The following SLC25A12 variants were observed in gnomAD, a reference collection of about 807,000 sequenced individuals.
SLC25A12 encodes solute carrier family 25 member 12.
A neutral mutation model predicts 83.3 loss-of-function variants in SLC25A12; 32 were observed. The ratio of observed to expected loss-of-function variants is 0.38; its 90% CI spans 0.29 to 0.52. The LOEUF (loss-of-function observed/expected upper bound fraction) is 0.52, where lower values mean the gene tolerates loss of function less well. Ranked by LOEUF, SLC25A12 falls within the 20% of genes least tolerant of loss-of-function variation. The probability of loss-of-function intolerance (pLI) is 0.84; values close to 1 mark genes in which losing one functional copy is unlikely to be tolerated. For missense variants in SLC25A12, 611 were observed against 835.6 expected, an observed-to-expected ratio of 0.73 and a Z score of 3.31; for synonymous variants, 267 against 291.1, an observed-to-expected ratio of 0.92 and a Z score of 0.84.
At chr2:171,806,572 TCAA>T (rs1683835543) in intron 13 of SLC25A12, among the ~76,000 whole-genome samples, 1 of 152,154 alleles carries the variant, frequency 6.6e-6, no homozygotes, top group Admixed American at 6.5e-5. Flanking sequence ...CATGATCTAG[TCAA>T]CACACACCAT....
intron 2 of SLC25A12, among the ~76,000 whole-genome samples, chr2:171,889,104 T>C (rs989965974): frequency 6.6e-6 from 1 of 152,174 alleles, no homozygotes; most frequent in African/African-American, 2.4e-5. Context: ...CCTACTTCAA[T>C]TGGAGATATC....
intron 9 of SLC25A12, among the ~76,000 whole-genome samples, chr2:171,820,739 A>AG (rs1428288033): frequency 6.6e-6 from 1 of 151,352 alleles, no homozygotes; most frequent in Admixed American, 6.6e-5. Flanking sequence ...AAAAAAAAAA[A>AG]AAAAAGAAAA....
chr2:171,834,340 T>C, intron 7 of SLC25A12: 1 of 440,662 alleles, frequency 2.3e-6, no homozygotes, highest in South Asian at 2.6e-5. Context: ...TTATTCACTT[T>C]GTTCTCCAGA....
intron 13 of SLC25A12, among the ~76,000 whole-genome samples, chr2:171,808,585 A>C (rs1410882825): frequency 6.6e-6 from 1 of 152,184 alleles, no homozygotes; most frequent in Non-Finnish European, 1.5e-5. Flanking sequence ...TCTATCCACT[A>C]CTATATTTTC....
At chr2:171,846,121 G>T (rs887163544) in intron 4 of SLC25A12, among the ~76,000 whole-genome samples, 2 of 151,930 alleles carry the variant, frequency 1.3e-5, no homozygotes, top group Non-Finnish European at 2.9e-5. Context: ...AGATTTTTAG[G>T]ATCTAACTTA....
At chr2:171,872,850 A>G (rs1685485244) in intron 2 of SLC25A12, among the ~76,000 whole-genome samples, 1 of 152,236 alleles carries the variant, frequency 6.6e-6, no homozygotes, top group African/African-American at 2.4e-5. Flanking sequence ...AGTTGAAACA[A>G]AAAATACCCC....
intron 8 of SLC25A12, among the ~76,000 whole-genome samples, chr2:171,829,547 C>G (rs1684386097): frequency 6.6e-6 from 1 of 152,120 alleles, no homozygotes; most frequent in Non-Finnish European, 1.5e-5. Flanking sequence ...GAGGGGAACA[C>G]TCTATTCAAC....
At chr2:171,849,413 T>A (rs1376409196) in intron 4 of SLC25A12, among the ~76,000 whole-genome samples, 1 of 150,262 alleles carries the variant, frequency 6.7e-6, no homozygotes, top group Non-Finnish European at 1.5e-5. Context: ...AAAAAAAAAA[T>A]CAAAAAATCT....
chr2:171,868,053 A>C (rs1685375201), intron 3 of SLC25A12, among the ~76,000 whole-genome samples: 1 of 152,028 alleles, frequency 6.6e-6, no homozygotes. Context: ...TCACCATGTT[A>C]GCCGGGATGG....
intron 7 of SLC25A12, 147 bp downstream of exon 7, chr2:171,834,578 ATT>A: frequency 1.1e-6 from 1 of 916,132 alleles, no homozygotes; most frequent in Non-Finnish European, 1.7e-6. Context: ...ATCCACCTGG[ATT>A]TTTGGAGCCC....
intron 9 of SLC25A12, among the ~76,000 whole-genome samples, chr2:171,815,565 T>C (rs1684035028): frequency 6.6e-6 from 1 of 152,224 alleles, no homozygotes; most frequent in African/African-American, 2.4e-5. Flanking sequence ...ATTTCAGTTA[T>C]AAAATTTTTT....
At chr2:171,829,045 C>T (rs62182373) in intron 8 of SLC25A12, among the ~76,000 whole-genome samples, 32,537 of 152,194 alleles carry the variant, frequency 0.21, 4,201 homozygotes, top group East Asian at 0.57. Context: ...TTCTTTCTTC[C>T]AGACCTCTAT....
chr2:171,787,650 G>C lies in SLC25A12; in HGVS notation c.1756C>G (p.Arg586Gly). 6.2e-7 allele frequency: 1 copy of C among 1,614,034 alleles called. No individual in the cohort carries two copies. Among genetic ancestry groups the C allele is most frequent in the Non-Finnish European group, 8.5e-7 (1 of 1,179,930 alleles). ...FWKGTAARVF[R>G]SSPQFGVTLV... ...GTAACACCAAACTGGGGAGAGGATC[G>C]AAACACTCGAGCTGAAAAAGAGAAG... Residue 586 changes from arginine (R) to glycine (G), a missense_variant, in exon 17 of 18, where the codon CGA becomes GGA. By Grantham distance (125) the Arg-to-Gly change is moderately radical. Transcript: ENST00000422440.
chr2:171,893,171 T>C, intron 2 of SLC25A12, 34 bp downstream of exon 2: 1 of 1,593,240 alleles, frequency 6.3e-7, no homozygotes, highest in Non-Finnish European at 8.6e-7. Flanking sequence ...TTTTTGTTTT[T>C]GCAATGAAAG....
Position 171,813,322 on chromosome 2 carries a change from G to A in SLC25A12, c.1171+17C>T. 2 of 1,613,632 alleles carry A rather than the reference G, an allele frequency of 1.2e-6. No individual in the cohort carries two copies. The highest frequency in any genetic ancestry group is 1.7e-6 in the Non-Finnish European group (2 of 1,179,638). On this transcript the variant is annotated intron_variant, in intron 11 of 17. Coordinates refer to ENST00000422440, the MANE Select transcript of SLC25A12 (RefSeq NM_003705.5). ...GATCAAATCACTAACTTCAGCAGCT[G>A]GGATTTGCTTACTCACCCCTGTAGA...
intron 9 of SLC25A12, among the ~76,000 whole-genome samples, chr2:171,818,370 T>C (rs1261721955): frequency 6.6e-6 from 1 of 152,086 alleles, no homozygotes; most frequent in African/African-American, 2.4e-5. Context: ...GAATCTTAAA[T>C]GATTTTTAAC....
intron 13 of SLC25A12, among the ~76,000 whole-genome samples, chr2:171,803,810 T>TACAC (rs57628850): frequency 0.2 from 29,923 of 148,290 alleles, 3,710 homozygotes; most frequent in East Asian, 0.53. Flanking sequence ...TTTAAAAAAA[T>TACAC]ACACACACAC....
At chr2:171,805,237 T>C (rs1683800210) in intron 13 of SLC25A12, among the ~76,000 whole-genome samples, 1 of 152,070 alleles carries the variant, frequency 6.6e-6, no homozygotes, top group Non-Finnish European at 1.5e-5. Flanking sequence ...GCCTCCCAAG[T>C]AGCTGGGACT....
Position 171,785,394 on chromosome 2 carries a change from G to T in SLC25A12, c.1917C>A (p.Tyr639Ter). The T allele has an allele frequency of 6.2e-7, 1 of 1,614,216 alleles. No individual in the cohort carries two copies. The change falls in exon 18 of 18, where the codon TAC (tyrosine) becomes TAA (stop). Residue 639 changes from tyrosine (Y) to a stop codon, truncating the protein, a stop_gained. Coordinates refer to ENST00000422440, the MANE Select transcript of SLC25A12 (RefSeq NM_003705.5). LOFTEE classifies it high-confidence loss of function. The part of the protein sequence containing the change: ...PPANPDHIGG[Y>*]RLATATFAGI... ...CTGCAAACGTGGCTGTGGCGAGTCT[G>T]TATCCACCGATGTGATCAGGGTTGG...
Sources: gnomAD v4.1 joint callset for allele counts (sites outside exome capture counted in the v4.1 genomes callset) on GRCh38, gnomAD v4.1.1 for gene constraint, MANE v1.5 for transcripts, NCBI Gene and HGNC (gene_info 2026-07-23, HGNC 2026-07-21) for gene names.